ALK: variants seen among roughly 807,000 people sequenced by gnomAD.
ALK encodes ALK tyrosine kinase receptor.
A neutral mutation model predicts 163.1 loss-of-function variants in ALK; 74 were observed. That is an observed-to-expected ratio of 0.45 (90% confidence interval 0.38 to 0.55). ALK has a LOEUF of 0.55. ALK is among the 20% of genes least tolerant of loss of function. The pLI is 0.00. For missense variants in ALK, 2,063 were observed against 2,105.3 expected (o/e 0.98, Z 0.39); for synonymous variants, 960 against 843.2 (o/e 1.14, Z -2.40).
At chr2:29,918,780 C>A (rs2148441954) in intron 1 of ALK, among the ~76,000 whole-genome samples, 1 of 152,202 alleles carries the variant, frequency 6.6e-6, no homozygotes, top group East Asian at 1.9e-4. Flanking sequence ...GGTTTCCATC[C>A]AATTAATATT....
intron 9 of ALK, among the ~76,000 whole-genome samples, chr2:29,277,171 G>A (rs1242230748): frequency 6.6e-6 from 1 of 152,180 alleles, no homozygotes; most frequent in African/African-American, 2.4e-5. Flanking sequence ...TCAACAGTGG[G>A]AGGAAAGATG....
At chr2:29,427,833 T>G (rs1670182922) in intron 4 of ALK, among the ~76,000 whole-genome samples, 2 of 152,202 alleles carry the variant, frequency 1.3e-5, no homozygotes, top group Non-Finnish European at 2.9e-5. Flanking sequence ...AAAAATCTTC[T>G]TAAATGCACA....
intron 1 of ALK, among the ~76,000 whole-genome samples, chr2:29,834,292 G>GA (rs1665500259): frequency 6.6e-6 from 1 of 152,074 alleles, no homozygotes; most frequent in Admixed American, 6.6e-5. Flanking sequence ...CACCCAATTA[G>GA]AAAAAAAGTG....
intron 3 of ALK, among the ~76,000 whole-genome samples, chr2:29,536,981 C>G (rs1184131196): frequency 6.6e-6 from 1 of 152,254 alleles, no homozygotes; most frequent in Non-Finnish European, 1.5e-5. Context: ...CATGAGTGGT[C>G]TAGCTGCTTC....
At chr2:29,773,481 G>T (rs1293274352) in intron 1 of ALK, among the ~76,000 whole-genome samples, 1 of 152,144 alleles carries the variant, frequency 6.6e-6, no homozygotes, top group African/African-American at 2.4e-5. Flanking sequence ...TAAGTCTCAG[G>T]TCTGACTCGA....
chr2:29,519,986 T>C (rs543953534), intron 4 of ALK, among the ~76,000 whole-genome samples: 2 of 152,296 alleles, frequency 1.3e-5, no homozygotes, highest in Admixed American at 1.3e-4. Flanking sequence ...TAAGTGGTGA[T>C]GTAAAGACTA....
At chr2:29,887,307 G>A (rs757417172) in intron 1 of ALK, among the ~76,000 whole-genome samples, 2 of 152,224 alleles carry the variant, frequency 1.3e-5, no homozygotes, top group Non-Finnish European at 2.9e-5. Context: ...AGAATAGCAG[G>A]AAGTCTGGGC....
At chr2:29,687,135 G>C (rs1476839604) in intron 3 of ALK, among the ~76,000 whole-genome samples, 2 of 152,018 alleles carry the variant, frequency 1.3e-5, no homozygotes, top group African/African-American at 4.8e-5. Context: ...GAGCCCTCTT[G>C]GTAAGTCTGC....
chr2:29,797,154 A>C (rs76762895), intron 1 of ALK, among the ~76,000 whole-genome samples: 2,515 of 152,254 alleles, frequency 0.017, 42 homozygotes, highest in South Asian at 0.052. Context: ...GATTGCCATC[A>C]TTTTAAAAAA....
Position 29,894,137 on chromosome 2 carries a change from C to A in ALK, c.667+25856G>T, listed in dbSNP as rs535431102. ...CCCTTTTCTTATAATAGAAAATGAT[C>A]AAGAAACCCAGAGAGAACTTGGCTG... On this transcript the variant is annotated intron_variant, in intron 1 of 28. Transcript: ENST00000389048. 8.7e-4 allele frequency among the ~76,000 whole-genome samples: 133 copies of A among 152,212 alleles called. 1 individual carries two copies. The highest frequency in any genetic ancestry group is 3.4e-3 in the Middle Eastern group (1 of 294).
intron 18 of ALK, among the ~76,000 whole-genome samples, chr2:29,225,905 AAAC>A (rs1663968378): frequency 6.6e-6 from 1 of 152,152 alleles, no homozygotes; most frequent in African/African-American, 2.4e-5. Context: ...GCAGGTGACC[AAAC>A]AACAGGGTGC....
chr2:29,442,547 A>G (rs1366239639), intron 4 of ALK, among the ~76,000 whole-genome samples: 1 of 152,036 alleles, frequency 6.6e-6, no homozygotes, highest in African/African-American at 2.4e-5. Flanking sequence ...TTCTCCCTTG[A>G]GTCTTGGGTA....
intron 1 of ALK, among the ~76,000 whole-genome samples, chr2:29,869,205 T>G (rs921150593): frequency 6.6e-6 from 1 of 152,200 alleles, no homozygotes; most frequent in African/African-American, 2.4e-5. Flanking sequence ...TAAGTTCAAG[T>G]GGTTTGCTAT....
chr2:29,522,923 C>T (rs774076883), intron 4 of ALK, among the ~76,000 whole-genome samples: 56 of 152,166 alleles, frequency 3.7e-4, no homozygotes, highest in Non-Finnish European at 6.3e-4. Context: ...AGAGCCTGCA[C>T]TCAGAGGGAG....
At chr2:29,361,410 A>G (rs1668385355) in intron 5 of ALK, among the ~76,000 whole-genome samples, 1 of 152,186 alleles carries the variant, frequency 6.6e-6, no homozygotes, top group Non-Finnish European at 1.5e-5. Context: ...CTTCCTCCCC[A>G]TAACTGGATG....
chr2:29,804,652 G>A (rs1400994135), intron 1 of ALK, among the ~76,000 whole-genome samples: 1 of 152,134 alleles, frequency 6.6e-6, no homozygotes, highest in Non-Finnish European at 1.5e-5. Context: ...GTGATACCAG[G>A]GCTGGCGTCG....
rs114064388 is a variant in ALK, at chr2:29,510,301, A to G, written c.1154+21614T>C. ...AGTCCCCTTAAGAGTCCCTGATGGC[A>G]GGTGTTTGCTATTTTAAATCATAAA... On this transcript the variant is annotated intron_variant, in intron 4 of 28. Transcript: ENST00000389048. 9.0e-3 allele frequency among the ~76,000 whole-genome samples: 1,367 copies of G among 152,304 alleles called. 23 individuals carry two copies. The highest frequency in any genetic ancestry group is 0.032 in the African/African-American group (1,327 of 41,572).
intron 26 of ALK, among the ~76,000 whole-genome samples, chr2:29,200,753 GTATATATGTA>G: frequency 1.4e-5 from 1 of 71,750 alleles, no homozygotes; most frequent in African/African-American, 7.5e-5. Flanking sequence ...ATATATATAC[GTATATATGTA>G]TATATATACG....
chr2:29,201,079 G>A (rs1669166882), intron 26 of ALK, among the ~76,000 whole-genome samples: 1 of 151,350 alleles, frequency 6.6e-6, no homozygotes, highest in Non-Finnish European at 1.5e-5. Flanking sequence ...CCTGAAAGGA[G>A]GTTATGATTA....
Sources: allele counts gnomAD v4.1 joint callset (sites outside exome capture counted in the v4.1 genomes callset), GRCh38; gene constraint gnomAD v4.1.1; transcripts MANE v1.5; gene names NCBI Gene and HGNC (gene_info 2026-07-23, HGNC 2026-07-21).